Variants in PLXNA1 observed in about 807,000 individuals in gnomAD.
PLXNA1 encodes plexin-A1.
In PLXNA1, 77 loss-of-function variants were observed where a neutral mutation model predicts 191.7. The ratio of observed to expected loss-of-function variants is 0.40; its 90% CI spans 0.33 to 0.49. The LOEUF is 0.49. Among genes scored for constraint, PLXNA1 ranks in the 20% least tolerant of loss-of-function variants. PLXNA1 has a pLI of 0.63. For synonymous variants in PLXNA1, 1,137 were observed against 1,156.4 expected, an observed-to-expected ratio of 0.98 and a Z score of 0.34; for missense variants, 2,110 against 2,660.2, an observed-to-expected ratio of 0.79 and a Z score of 4.55.
Position 127,017,868 on chromosome 3 carries a change from C to G in PLXNA1, c.3636C>G (p.Asn1212Lys). The G allele has an allele frequency of 6.2e-7, 1 of 1,612,746 alleles. No homozygotes were observed. ...CGCAACTGCTGTGCGAGGCGCCCAA[C>G]CTCACTGGGCAGCACAAGGTCACGG... is the stretch of plus-strand genomic sequence containing the variant. ...SETQLLCEAP[N>K]LTGQHKVTVR... The change falls in exon 19 of 32, where the codon AAC becomes AAG. Residue 1212 changes from asparagine (N) to lysine (K), a missense_variant. By Grantham distance (94) the Asn-to-Lys change is moderately conservative (BLOSUM62 0). Transcript: ENST00000393409.
rs1275914415 is a variant in PLXNA1, at chr3:127,016,505, G to C, written c.3015-12G>C. The C allele has an allele frequency of 6.2e-7, 1 of 1,612,988 alleles. No individual in the cohort carries two copies. The highest frequency in any genetic ancestry group is 8.5e-7 in the Non-Finnish European group (1 of 1,179,738). On this transcript the variant is annotated splice_polypyrimidine_tract_variant and intron_variant, in intron 15 of 31. Coordinates refer to ENST00000393409, the MANE Select transcript of PLXNA1 (RefSeq NM_032242.4). ...CCGTGTGCTCCTCACTGTCCCACTCGGGCACCTCCAGGAGGAACTCCCGTG... is the reference window on the plus strand; with the variant it reads ...CCGTGTGCTCCTCACTGTCCCACTCCGGCACCTCCAGGAGGAACTCCCGTG...
At position 127,014,210 on chromosome 3, in the gene PLXNA1, C is replaced by A. The variant is rs11719489; in HGVS notation, c.2439C>A (p.Arg813=). ...ACCTCTACAAGTGCCCGGCCCTGCG[C>A]GAGAGCTGCGGCCTCTGCCTCAAGG... ...QAHLYKCPAL[R]ESCGLCLKAD... Residue 813 remains arginine (R), a synonymous_variant, in exon 12 of 32, where the codon CGC becomes CGA. Coordinates refer to ENST00000393409, the MANE Select transcript of PLXNA1 (RefSeq NM_032242.4). 1.4e-5 allele frequency: 22 copies of A among 1,607,694 alleles called. No individual in the cohort carries two copies. The highest frequency in any genetic ancestry group is 1.9e-5 in the Non-Finnish European group (22 of 1,176,670).
intron 2 of PLXNA1, 103 bp downstream of exon 2, chr3:126,989,890 C>A: frequency 9.3e-7 from 1 of 1,074,666 alleles, no homozygotes; most frequent in South Asian, 1.5e-5. Flanking sequence ...GTGTGCCTGG[C>A]CTGGCTTTTG....
chr3:127,018,608 C>A, intron 20 of PLXNA1, 80 bp downstream of exon 20: 1 of 1,062,764 alleles, frequency 9.4e-7, no homozygotes, highest in Non-Finnish European at 1.4e-6. Flanking sequence ...TACTTCCCAC[C>A]GCCGCCCCCA....
At chr3:127,022,856 G>A in intron 23 of PLXNA1, 38 bp downstream of exon 23, 7 of 1,543,428 alleles carry the variant, frequency 4.5e-6, no homozygotes, top group Non-Finnish European at 6.3e-6. Context: ...TCAGAGGCAG[G>A]TGAACAGCGG....
At chr3:126,992,956 C>T (rs541186748) in intron 3 of PLXNA1, among the ~76,000 whole-genome samples, 131 of 152,244 alleles carry the variant, frequency 8.6e-4, no homozygotes, top group East Asian at 4.8e-3. Flanking sequence ...GACAGAGGAC[C>T]GTGCTTGTGT....
In PLXNA1 at chr3:126,991,573, C is replaced by T; in HGVS notation, c.1377+7C>T. ...AAGTGGCCGCATCCGCAAGGTCAGG[C>T]CTGGGTGGGGTGGGGTGAGGAGGGG... is the stretch of plus-strand genomic sequence containing the variant. On this transcript the variant is annotated splice_region_variant and intron_variant, in intron 3 of 31. Transcript: ENST00000393409. 2.6e-6 allele frequency: 4 copies of T among 1,556,986 alleles called. No individual in the cohort carries two copies. Among genetic ancestry groups the T allele is most frequent in the Non-Finnish European group, 3.5e-6 (4 of 1,147,106 alleles).
chr3:127,016,689 G>A lies in PLXNA1; in HGVS notation c.3182+5G>A. 6.2e-7 allele frequency: 1 copy of A among 1,613,800 alleles called. No homozygotes were observed. The highest frequency in any genetic ancestry group is 1.1e-5 in the South Asian group (1 of 91,076). On this transcript the variant is annotated splice_donor_5th_base_variant and intron_variant, in intron 16 of 31. Coordinates refer to ENST00000393409, the MANE Select transcript of PLXNA1 (RefSeq NM_032242.4). ...CCCCGAGTGGAGCATCAACAGGTGG[G>A]GCCCAGCAACACCCATTCCCTATCC...
intron 23 of PLXNA1, among the ~76,000 whole-genome samples, chr3:127,024,281 A>G (rs2079166789): frequency 6.6e-6 from 1 of 152,212 alleles, no homozygotes; most frequent in African/African-American, 2.4e-5. Context: ...ATGCCAGGAT[A>G]TAGGGGGCCA....
At chr3:127,026,270 C>T (rs1156793186) in intron 23 of PLXNA1, 1 of 152,302 alleles carries the variant, frequency 6.6e-6, no homozygotes, top group African/African-American at 2.4e-5. Context: ...GGGCCTGCTG[C>T]CTGGGTTGAG....
In PLXNA1 at chr3:126,988,511, C is replaced by T; in HGVS notation, c.-73-10C>T. ...CTGCATTCACATGCCCTCTTCTGCC[C>T]CTTCCCCAGGGCTGAAGCTCCTGGC... On this transcript the variant is annotated splice_polypyrimidine_tract_variant and intron_variant, in intron 1 of 31. Transcript: ENST00000393409. 8.0e-7 allele frequency: 1 copy of T among 1,248,928 alleles called. No individual in the cohort carries two copies. Among genetic ancestry groups the T allele is most frequent in the South Asian group, 1.6e-5 (1 of 64,052 alleles). 77.4% of individuals were successfully genotyped at this position (1,248,928 alleles called of 1,614,324 possible). A position where few individuals can be genotyped will look rare whatever the true frequency, so the allele number is the denominator to read the frequency against.
At position 127,028,038 on chromosome 3, in the gene PLXNA1, CCT is replaced by C; in HGVS notation, c.4462_4463del (p.Leu1488GlufsTer2). The C allele has an allele frequency of 6.2e-7, 1 of 1,614,044 alleles. No individual in the cohort carries two copies. The highest frequency in any genetic ancestry group is 8.5e-7 in the Non-Finnish European group (1 of 1,180,000). ...CCATCACGGGTGAGGCACGCTACTC[CCT>C]GAGTGAGGACAAGCTCATCCGGCAG... ...DAITGEARYSLSEDKLIRQQI... is the reference protein window; with the variant it reads ...DAITGEARYSXSEDKLIRQQI... On this transcript the variant is annotated frameshift_variant, in exon 24 of 32. Coordinates refer to ENST00000393409, the MANE Select transcript of PLXNA1 (RefSeq NM_032242.4). LOFTEE classifies it high-confidence loss of function.
intron 29 of PLXNA1, 81 bp downstream of exon 29, chr3:127,030,493 C>G: frequency 6.5e-7 from 1 of 1,530,776 alleles, no homozygotes; most frequent in Non-Finnish European, 8.8e-7. Context: ...TGTTCTGATC[C>G]GGAGCCCCCA....
chr3:127,020,717 T>C (rs1679338206), intron 21 of PLXNA1, among the ~76,000 whole-genome samples: 2 of 152,196 alleles, frequency 1.3e-5, no homozygotes, highest in South Asian at 4.1e-4. Context: ...TGGCTGCCCC[T>C]TGGGCCCTGC....
rs2079192421 is a variant in PLXNA1 at position 127,029,063 on chromosome 3, T to C, written c.4740T>C (p.Asp1580=). The change falls in exon 26 of 32, where the codon GAT becomes GAC. Residue 1580 remains aspartate (D), a synonymous_variant. Transcript: ENST00000393409. The stretch of plus-strand genomic sequence containing the variant: ...ACGTCACCACCAAGATTGACAACGA[T>C]TGGAAGAGGCTGAACACACTGGCTC... ...DEDVTTKIDN[D]WKRLNTLAHY... The C allele has an allele frequency of 3.7e-6, 6 of 1,613,498 alleles. No homozygotes were observed. The highest frequency in any genetic ancestry group is 1.7e-5 in the Admixed American group (1 of 59,982).
intron 1 of PLXNA1, among the ~76,000 whole-genome samples, chr3:126,984,732 C>T (rs9827301): frequency 0.034 from 5,119 of 152,270 alleles, 291 homozygotes; most frequent in African/African-American, 0.11. Context: ...ACATGAGGTG[C>T]CTGTGGACAA....
chr3:127,007,744 G>T, intron 8 of PLXNA1, 55 bp from the exon 9 acceptor site: 1 of 1,106,382 alleles, frequency 9.0e-7, no homozygotes. Flanking sequence ...CTGATCATGG[G>T]TGACTCCACG....
rs752412740 is a variant in PLXNA1, at chr3:126,989,429, C to T, written c.836C>T (p.Thr279Met). 18 of 1,613,488 alleles carry T rather than the reference C, an allele frequency of 1.1e-5. No homozygotes were observed. The East Asian group carries it at 2.4e-4, about 22-fold the overall frequency. ...SPDAAGEHFF[T>M]SKIVRLCVDD... ...GATGCCGCCGGCGAGCACTTCTTCA[C>T]GTCCAAGATCGTGCGGCTCTGTGTG... Residue 279 changes from threonine to methionine, a missense_variant, in exon 2 of 32, where the codon ACG (threonine) becomes ATG (methionine). Around this residue, in one of 4 missense-constraint regions of PLXNA1, gnomAD observed 903 missense variants for 1,015.7 expected, o/e 0.89. Coordinates refer to ENST00000393409, the MANE Select transcript of PLXNA1 (RefSeq NM_032242.4).
chr3:127,029,302 T>C lies in PLXNA1; in HGVS notation c.4774-138T>C, dbSNP rs372037931. On this transcript the variant is annotated intron_variant, in intron 26 of 31. Coordinates refer to ENST00000393409, the MANE Select transcript of PLXNA1 (RefSeq NM_032242.4). ...CTAGCATCCCTGGGCTGTCCTGATA[T>C]AGAGTTCCAGACTGAGTGAGGTGGC... 2.3e-4 allele frequency: 204 copies of C among 881,392 alleles called. No homozygotes were observed. In the African/African-American group the frequency reaches 2.9e-3, roughly 13 times the overall value. The allele number at this position is 881,392 out of a possible 1,614,324, so 54.6% of individuals were successfully genotyped here.
Sources: allele counts gnomAD v4.1 joint callset (sites outside exome capture counted in the v4.1 genomes callset), GRCh38; gene constraint gnomAD v4.1.1; regional missense constraint gnomAD v4.1.1; transcripts MANE v1.5; gene names NCBI Gene and HGNC (gene_info 2026-07-23, HGNC 2026-07-21).